The following ERN1 variants were observed in gnomAD, a reference collection of about 807,000 sequenced individuals.
ERN1 encodes the protein serine/threonine-protein kinase/endoribonuclease IRE1.
A neutral mutation model predicts 113.1 loss-of-function variants in ERN1; 39 were observed. That is an observed-to-expected ratio of 0.34 (90% confidence interval 0.27 to 0.45). The LOEUF (loss-of-function observed/expected upper bound fraction) is 0.45, where lower values mean the gene tolerates loss of function less well. Ranked by LOEUF, ERN1 falls within the 20% of genes least tolerant of loss-of-function variation. The pLI is 1.00. For missense variants in ERN1, 976 were observed against 1,274.8 expected (o/e 0.77, Z 3.57); for synonymous variants, 507 against 515.9 (o/e 0.98, Z 0.23).
In ERN1 at chr17:64,054,105, A is replaced by G. The variant is rs527677759; in HGVS notation, c.1953+145T>C. The G allele has an allele frequency of 4.4e-6, 3 of 679,596 alleles. No homozygotes were observed. The highest frequency in any genetic ancestry group is 3.0e-5 in the Admixed American group (1 of 33,796). 42.1% of individuals were successfully genotyped at this position (679,596 alleles called of 1,614,324 possible). ...CAGGAACACATCGCTAGGCCTGGCT[A>G]ATTTTTGGTTTCTTTGTAGAGATGG... On this transcript the variant is annotated intron_variant, in intron 15 of 21. Transcript: ENST00000433197. The surrounding 1 kb of genome is among the most constrained non-coding windows in gnomAD (Gnocchi z 4.9).
rs762240880 is a variant in ERN1 at position 64,045,442 on chromosome 17, G to A, written c.2570C>T (p.Pro857Leu). The part of the protein sequence containing the change: ...DRIEKESLDG[P>L]IVKQLERGGR... ...GCCTCTCTCTAACTGCTTCACGATC[G>A]GGCCATCCAGGGATTCCTTTTCTAT... Residue 857 changes from proline to leucine, a missense_variant, in exon 20 of 22, where the codon CCG becomes CTG. Physicochemically the swap from Pro to Leu is moderately conservative, Grantham distance 98. This residue lies in a region of ERN1 where 297 missense variants were observed against 457.8 expected (regional missense o/e 0.65). Transcript: ENST00000433197. The A allele has an allele frequency of 1.8e-5, 29 of 1,613,768 alleles. No individual in the cohort carries two copies. Among genetic ancestry groups the A allele is most frequent in the South Asian group, 8.8e-5 (8 of 91,084 alleles).
rs748576089 is a variant in ERN1 at position 64,047,924 on chromosome 17, G to A, written c.2463C>T (p.Pro821=). ...KMIAMDPQKR[P]SAKHVLKHPF... Reference sequence around the variant, plus strand: ...GGTGTTTGAGCACATGCTTCGCTGAGGGGCGTTTCTGAGGATCCATCGCAA... The same window carrying A: ...GGTGTTTGAGCACATGCTTCGCTGAAGGGCGTTTCTGAGGATCCATCGCAA... The change falls in exon 19 of 22, where the codon CCC becomes CCT. Residue 821 remains proline, a synonymous_variant. Coordinates refer to ENST00000433197, the MANE Select transcript of ERN1 (RefSeq NM_001433.5). The A allele has an allele frequency of 1.2e-6, 2 of 1,613,468 alleles. No individual in the cohort carries two copies. Among genetic ancestry groups the A allele is most frequent in the South Asian group, 2.2e-5 (2 of 91,042 alleles).
At chr17:64,052,270 T>A (rs1163226177) in intron 17 of ERN1, among the ~76,000 whole-genome samples, 2 of 152,156 alleles carry the variant, frequency 1.3e-5, no homozygotes, top group Non-Finnish European at 2.9e-5. Flanking sequence ...ATTTTAAAAA[T>A]AATGAAAACT....
Position 64,115,525 on chromosome 17 carries a change from G to C in ERN1, c.54+14451C>G, listed in dbSNP as rs116496182. The stretch of plus-strand genomic sequence containing the variant: ...GAAAGCTGACTTGGCAGCATATCCA[G>C]GTCCTGCCCAGAGCAGTTCCAAGAG... On this transcript the variant is annotated intron_variant, in intron 1 of 21. Transcript: ENST00000433197. 6.8e-3 allele frequency among the ~76,000 whole-genome samples: 1,032 copies of C among 152,264 alleles called. 9 individuals are homozygous for C. Among genetic ancestry groups the C allele is most frequent in the African/African-American group, 0.024 (991 of 41,540 alleles).
At chr17:64,064,956 C>G (rs1477056029) in intron 9 of ERN1, among the ~76,000 whole-genome samples, 1 of 152,114 alleles carries the variant, frequency 6.6e-6, no homozygotes, top group Non-Finnish European at 1.5e-5. Flanking sequence ...CCATGAACAC[C>G]AGCCTGGGGA....
At chr17:64,107,541 T>C (rs1017503542) in intron 1 of ERN1, among the ~76,000 whole-genome samples, 1 of 152,028 alleles carries the variant, frequency 6.6e-6, no homozygotes. Context: ...AGGCTGGTGT[T>C]GAACTCCTGG....
chr17:64,047,176 T>A (rs1003700105), intron 19 of ERN1, among the ~76,000 whole-genome samples: 3 of 152,096 alleles, frequency 2.0e-5, no homozygotes, highest in Admixed American at 2.0e-4. Flanking sequence ...CTGGCCAACA[T>A]GGTGAAACCC....
chr17:64,118,955 T>C (rs556106812), intron 1 of ERN1, among the ~76,000 whole-genome samples: 51 of 152,310 alleles, frequency 3.3e-4, no homozygotes, highest in African/African-American at 1.2e-3. Flanking sequence ...CTTCTTCTTG[T>C]GCTTTAACTA....
In ERN1 at chr17:64,065,133, T is replaced by C. The variant is rs1455806479; in HGVS notation, c.921+76A>G. 6.1e-6 allele frequency: 6 copies of C among 985,468 alleles called. No individual in the cohort carries two copies. The Admixed American group carries it at 7.8e-5, about 13-fold the overall frequency. 61.0% of individuals were successfully genotyped at this position (985,468 alleles called of 1,614,324 possible). ...TCATTCTTAACCTGCAGGATGCTCA[T>C]GCATAGCAAAGTCATTCTTTGCTAA... On this transcript the variant is annotated intron_variant, in intron 9 of 21. Transcript: ENST00000433197.
chr17:64,119,503 C>T (rs1236217204), intron 1 of ERN1, among the ~76,000 whole-genome samples: 1 of 150,352 alleles, frequency 6.7e-6, no homozygotes, highest in Non-Finnish European at 1.5e-5. Flanking sequence ...ATTCTCCTGC[C>T]TCAGCCTCCC....
intron 2 of ERN1, among the ~76,000 whole-genome samples, chr17:64,082,046 A>C (rs1246858861): frequency 6.6e-6 from 1 of 152,224 alleles, no homozygotes; most frequent in African/African-American, 2.4e-5. Flanking sequence ...GCAGAATTCC[A>C]GACTCTGTAG....
intron 17 of ERN1, among the ~76,000 whole-genome samples, chr17:64,051,604 C>T (rs1267167492): frequency 6.6e-6 from 1 of 152,168 alleles, no homozygotes; most frequent in Non-Finnish European, 1.5e-5. Flanking sequence ...AGCAAACAAA[C>T]CAGAATGGGG....
chr17:64,065,357 T>C (rs574115390), intron 8 of ERN1, 70 bp from the exon 9 acceptor site: 71 of 1,141,384 alleles, frequency 6.2e-5, no homozygotes, highest in Admixed American at 8.5e-5. Flanking sequence ...GGAGTAATCA[T>C]CACCCCAAAT....
chr17:64,050,723 A>G (rs117067704), intron 17 of ERN1, among the ~76,000 whole-genome samples: 1,665 of 152,346 alleles, frequency 0.011, 11 homozygotes, highest in Non-Finnish European at 0.016. Context: ...CCAAATCTGA[A>G]AAGACCTTAG....
At chr17:64,104,212 AACCTGAGCAAC>A (rs984601638) in intron 1 of ERN1, among the ~76,000 whole-genome samples, 1 of 152,218 alleles carries the variant, frequency 6.6e-6, no homozygotes, top group African/African-American at 2.4e-5. Flanking sequence ...ACTGCACTCT[AACCTGAGCAAC>A]AGAGCCAGAC....
rs981819665 is a variant in ERN1 at position 64,041,250 on chromosome 17, G to T, written c.*2738C>A. On this transcript the variant is annotated 3_prime_UTR_variant, in exon 22 of 22. Transcript: ENST00000433197. ...GCCCAAGAGAGGTTTAGTAAGACAA[G>T]ATTTAAATAAGTCATAGTGTCCTTT... 2 of 152,212 alleles carry T rather than the reference G, an allele frequency of 1.3e-5. No individual in the cohort carries two copies. The highest frequency in any genetic ancestry group is 2.4e-5 in the African/African-American group (1 of 41,446). 9.4% of individuals were successfully genotyped at this position (152,212 alleles called of 1,614,324 possible). A position where few individuals can be genotyped will look rare whatever the true frequency, so the allele number is the denominator to read the frequency against.
chr17:64,098,514 G>A (rs750255472), intron 1 of ERN1: 2 of 639,322 alleles, frequency 3.1e-6, no homozygotes, highest in South Asian at 1.4e-5. Context: ...AACCTCCACT[G>A]AAACAGAGGG....
intron 2 of ERN1, among the ~76,000 whole-genome samples, chr17:64,086,666 A>G (rs1913938556): frequency 5.8e-4 from 2 of 3,430 alleles, no homozygotes; most frequent in Non-Finnish European, 1.9e-3. Flanking sequence ...TTTTTTTTTG[A>G]GATGGAGTCT....
Position 64,043,973 on chromosome 17 carries a change from AG to A in ERN1, c.*14del. ...GTCACAGCTGGGGCCACCAGAACAG[AG>A]GGGCCGCCCTCGCTCAGAGGGCGTC... On this transcript the variant is annotated 3_prime_UTR_variant, in exon 22 of 22. Coordinates refer to ENST00000433197, the MANE Select transcript of ERN1 (RefSeq NM_001433.5). 1.3e-6 allele frequency: 2 copies of A among 1,569,824 alleles called. No individual in the cohort carries two copies. The highest frequency in any genetic ancestry group is 1.7e-6 in the Non-Finnish European group (2 of 1,144,296).
Sources: allele counts gnomAD v4.1 joint callset (sites outside exome capture counted in the v4.1 genomes callset), GRCh38; gene constraint gnomAD v4.1.1; regional missense constraint gnomAD v4.1.1; non-coding constraint Gnocchi (gnomAD v3.1); transcripts MANE v1.5; gene names NCBI Gene and HGNC (gene_info 2026-07-23, HGNC 2026-07-21).